Variants in CCDC171 observed in about 807,000 individuals in gnomAD.
CCDC171 encodes coiled-coil domain-containing protein 171.
A neutral mutation model predicts 168.2 loss-of-function variants in CCDC171; 177 were observed. The observed-to-expected ratio is 1.05, with a 90% confidence interval of 0.93 to 1.19. The LOEUF (loss-of-function observed/expected upper bound fraction) is 1.19. Ranked by LOEUF, CCDC171 falls within the 50% of genes most tolerant of loss-of-function variation. The pLI, the probability that CCDC171 is intolerant of heterozygous loss-of-function variation, is 0.00. For synonymous variants in CCDC171, 687 were observed against 540.8 expected (o/e 1.27, Z -3.75); for missense variants, 1,991 against 1,539.0 (o/e 1.29, Z -4.91).
chr9:15,684,249 A>G (rs188484604), intron 10 of CCDC171, among the ~76,000 whole-genome samples: 10 of 152,244 alleles, frequency 6.6e-5, no homozygotes, highest in East Asian at 5.8e-4. Flanking sequence ...AAAAAACTTA[A>G]AAGTTTTACT....
At chr9:15,636,460 G>T (rs1427033469) in intron 7 of CCDC171, among the ~76,000 whole-genome samples, 1 of 151,968 alleles carries the variant, frequency 6.6e-6, no homozygotes, top group East Asian at 1.9e-4. Flanking sequence ...ACTAAAAAAG[G>T]ATTAAGGGCC....
At chr9:15,808,328 T>C (rs1588625744) in intron 21 of CCDC171, among the ~76,000 whole-genome samples, 1 of 152,208 alleles carries the variant, frequency 6.6e-6, no homozygotes, top group Non-Finnish European at 1.5e-5. Context: ...GCCTAAGGCA[T>C]TTGAATGCTT....
intron 18 of CCDC171, among the ~76,000 whole-genome samples, chr9:15,750,831 G>A (rs912863725): frequency 2.0e-5 from 3 of 152,136 alleles, no homozygotes; most frequent in Non-Finnish European, 4.4e-5. Context: ...CATACTGAAT[G>A]GGCAAAAGCT....
rs368048753 is a variant in CCDC171 at position 15,944,225 on chromosome 9, CT to C, written c.3753+23808del. The stretch of plus-strand genomic sequence containing the variant: ...TAAACCAAAGAGCTGAGAGTGCTGG[CT>C]TTTTGTAAACCACTGTGGCTATTGC... On this transcript the variant is annotated intron_variant, in intron 25 of 25. Transcript: ENST00000380701. Among the ~76,000 whole-genome samples, 257 of 152,062 alleles carry C rather than the reference CT, an allele frequency of 1.7e-3. 2 individuals are homozygous for C. The highest frequency in any genetic ancestry group is 5.8e-3 in the African/African-American group (239 of 41,526).
intron 3 of CCDC171, among the ~76,000 whole-genome samples, chr9:16,018,213 T>C (rs143036423): frequency 1.8e-4 from 28 of 152,294 alleles, no homozygotes; most frequent in Admixed American, 3.3e-4. Flanking sequence ...TTTAACCCTT[T>C]CTGAGCTAAC....
the CCDC171 span, among the ~76,000 whole-genome samples, chr9:16,070,881 G>A: frequency 2.2e-4 from 33 of 152,288 alleles, no homozygotes; most frequent in African/African-American, 7.5e-4. Context: ...CCCCTTTCCC[G>A]ATGCTTAGTT....
At chr9:15,723,642 A>AT in intron 12 of CCDC171, 39 bp from the exon 13 acceptor site, 1 of 1,501,346 alleles carries the variant, frequency 6.7e-7, no homozygotes, top group South Asian at 1.2e-5. Flanking sequence ...AGTTACTTAT[A>AT]TTTTCTTTCA....
chr9:16,051,048 CT>C (rs1231083773), intron 1 of CCDC171, among the ~76,000 whole-genome samples: 1 of 152,008 alleles, frequency 6.6e-6, no homozygotes, highest in Non-Finnish European at 1.5e-5. Context: ...ATTTTATTGC[CT>C]ATTTTACTGT....
intron 6 of CCDC171, among the ~76,000 whole-genome samples, chr9:15,612,365 G>C (rs1016332562): frequency 7.2e-5 from 11 of 151,938 alleles, no homozygotes; most frequent in African/African-American, 2.7e-4. Context: ...ATCTTTTGTT[G>C]GCTATCATTT....
chr9:16,075,780 C>A, the CCDC171 span, among the ~76,000 whole-genome samples: 3 of 152,250 alleles, frequency 2.0e-5, no homozygotes, highest in South Asian at 4.1e-4. Flanking sequence ...TTTTCAATCT[C>A]TAGTGGCAAC....
chr9:15,826,521 T>C (rs1343134805), intron 21 of CCDC171, among the ~76,000 whole-genome samples: 1 of 152,182 alleles, frequency 6.6e-6, no homozygotes, highest in Non-Finnish European at 1.5e-5. Context: ...CATAAAGACA[T>C]GGCTTCTGCC....
intron 21 of CCDC171, among the ~76,000 whole-genome samples, chr9:15,787,981 C>G (rs144464011): frequency 9.8e-4 from 149 of 152,196 alleles, no homozygotes; most frequent in African/African-American, 3.5e-3. Context: ...GTCTTTTTCT[C>G]TGTTATAGTT....
intron 7 of CCDC171, among the ~76,000 whole-genome samples, chr9:15,649,217 T>G (rs202178796): frequency 6.6e-6 from 1 of 152,124 alleles, no homozygotes; most frequent in Non-Finnish European, 1.5e-5. Flanking sequence ...GAAGCTGGAT[T>G]CCTTCCTTAC....
intron 24 of CCDC171, among the ~76,000 whole-genome samples, chr9:15,877,686 C>T (rs1182322365): frequency 6.6e-6 from 1 of 152,008 alleles, no homozygotes; most frequent in Non-Finnish European, 1.5e-5. Flanking sequence ...AATAAAAACA[C>T]CCCTATTAGA....
Position 15,745,604 on chromosome 9 carries a change from G to A in CCDC171, c.2644G>A (p.Glu882Lys). Reference sequence around the variant, plus strand: ...TGCTGCAATAATCAGTTCTATGGCTGAATTACAAGACGTCATTGGTAAAGC... The same window carrying A: ...TGCTGCAATAATCAGTTCTATGGCTAAATTACAAGACGTCATTGGTAAAGC... ...LLAAIISSMA[E>K]LQDVIGKADP... is the part of the protein sequence containing the mutation. Residue 882 changes from glutamate (E) to lysine (K), a missense_variant, in exon 18 of 26, where the codon GAA (glutamate) becomes AAA (lysine). By Grantham distance (56) the Glu-to-Lys change is moderately conservative (BLOSUM62 1). Coordinates refer to ENST00000380701, the MANE Select transcript of CCDC171 (RefSeq NM_173550.4). 1.3e-6 allele frequency: 2 copies of A among 1,558,268 alleles called. No homozygotes were observed. Among genetic ancestry groups the A allele is most frequent in the Admixed American group, 2.0e-5 (1 of 51,124 alleles).
At chr9:15,910,829 G>A (rs901719788) in intron 24 of CCDC171, among the ~76,000 whole-genome samples, 2 of 152,128 alleles carry the variant, frequency 1.3e-5, no homozygotes, top group African/African-American at 4.8e-5. Flanking sequence ...AGTTTGTTGA[G>A]AATGATGGTT....
At chr9:15,719,389 C>CGG (rs1206677427) in intron 11 of CCDC171, among the ~76,000 whole-genome samples, 6 of 20,438 alleles carry the variant, frequency 2.9e-4, no homozygotes, top group South Asian at 3.0e-3. Flanking sequence ...TCAAGGCTGG[C>CGG]GGGGGGGTGG....
intron 21 of CCDC171, among the ~76,000 whole-genome samples, chr9:15,800,292 G>A (rs1482938591): frequency 6.6e-6 from 1 of 151,874 alleles, no homozygotes; most frequent in African/African-American, 2.4e-5. Flanking sequence ...CCTGTCTTTA[G>A]GATAAAAGCC....
At chr9:15,862,040 C>G (rs1224907976) in intron 23 of CCDC171, among the ~76,000 whole-genome samples, 1 of 151,428 alleles carries the variant, frequency 6.6e-6, no homozygotes, top group African/African-American at 2.4e-5. Flanking sequence ...TCCCTTTCAT[C>G]CCTTTGAATA....
Sources: gnomAD v4.1 joint callset for allele counts (sites outside exome capture counted in the v4.1 genomes callset) on GRCh38, gnomAD v4.1.1 for gene constraint, MANE v1.5 for transcripts, NCBI Gene and HGNC (gene_info 2026-07-23, HGNC 2026-07-21) for gene names.